FAM161A: variants seen among roughly 807,000 people sequenced by gnomAD.
The protein encoded by FAM161A is FAM161 centrosomal protein A.
FAM161A carries 57 observed loss-of-function variants against 70.9 expected under a neutral mutation model. The ratio of observed to expected loss-of-function variants is 0.80; its 90% CI spans 0.65 to 1.00. The LOEUF is 1.00. Among genes scored for constraint, FAM161A ranks in the 50% least tolerant of loss-of-function variants. The pLI is 0.00. For missense variants in FAM161A, 880 were observed against 836.0 expected (o/e 1.05, Z -0.65); for synonymous variants, 299 against 295.7 (o/e 1.01, Z -0.12).
At chr2:61,839,313 C>G in intron 3 of FAM161A, 108 bp downstream of exon 3, 1 of 919,774 alleles carries the variant, frequency 1.1e-6, no homozygotes, top group African/African-American at 1.6e-5. Flanking sequence ...CTTATAGATA[C>G]AATAATAATT....
intron 1 of FAM161A, among the ~76,000 whole-genome samples, chr2:61,849,815 G>C (rs1238629564): frequency 3.3e-5 from 5 of 149,342 alleles, no homozygotes; most frequent in Non-Finnish European, 7.4e-5. Flanking sequence ...ATGAAATCAT[G>C]TCCTTCACAG....
chr2:61,839,593 T>A lies in FAM161A; in HGVS notation c.1411A>T (p.Lys471Ter). The A allele has an allele frequency of 6.2e-7, 1 of 1,614,244 alleles. No homozygotes were observed. The change falls in exon 3 of 7, where the codon AAA becomes TAA. Residue 471 changes from lysine to a stop codon, truncating the protein, a stop_gained. Transcript: ENST00000404929. LOFTEE classifies it high-confidence loss of function. ...TCTGCTTCGATGTCTGCCAAAATTTTTTCTCTTTTAATAGATGCATGTGGA... is the reference window on the plus strand; with the variant it reads ...TCTGCTTCGATGTCTGCCAAAATTTATTCTCTTTTAATAGATGCATGTGGA... ...ASPHASIKRE[K>*]ILADIEADEE...
At chr2:61,839,372 A>C in intron 3 of FAM161A, 49 bp downstream of exon 3, 1 of 1,561,880 alleles carries the variant, frequency 6.4e-7, no homozygotes, top group South Asian at 1.1e-5. Context: ...AGCTGCATAC[A>C]CTCATCTGGC....
the FAM161A span, among the ~76,000 whole-genome samples, chr2:61,816,145 T>G: frequency 6.6e-6 from 1 of 152,178 alleles, no homozygotes; most frequent in African/African-American, 2.4e-5. Flanking sequence ...TCCATTGACG[T>G]TGGCTTTCTC....
At chr2:61,828,878 C>T (rs1351308631) in intron 5 of FAM161A, among the ~76,000 whole-genome samples, 1 of 152,170 alleles carries the variant, frequency 6.6e-6, no homozygotes, top group East Asian at 1.9e-4. Context: ...TATGGAGCCA[C>T]ATAGTGACTG....
chr2:61,808,054 T>C, the FAM161A span, among the ~76,000 whole-genome samples: 1 of 152,006 alleles, frequency 6.6e-6, no homozygotes, highest in South Asian at 2.1e-4. Context: ...GAGACCAGGA[T>C]TGGGTACAAG....
chr2:61,823,458 G>A (rs1282020551), downstream of FAM161A, among the ~76,000 whole-genome samples: 1 of 150,732 alleles, frequency 6.6e-6, no homozygotes, highest in Non-Finnish European at 1.5e-5. Context: ...TCAACCACCT[G>A]GGCTGAACCA....
rs1202283165 is a variant in FAM161A at position 61,842,229 on chromosome 2, G to A, written c.315C>T (p.Ala105=). 6.2e-7 allele frequency: 1 copy of A among 1,613,262 alleles called. No individual in the cohort carries two copies. The highest frequency in any genetic ancestry group is 8.5e-7 in the Non-Finnish European group (1 of 1,179,298). ...YFKKVEELKA[A]HIETMAKLEK... is the part of the protein sequence containing the mutation. Reference sequence around the variant, plus strand: ...CTAATTTTGCCATAGTTTCTATGTGGGCAGCCTTCAACTCTTCTACTTTCT... The same window carrying A: ...CTAATTTTGCCATAGTTTCTATGTGAGCAGCCTTCAACTCTTCTACTTTCT... Residue 105 remains alanine (A), a synonymous_variant, in exon 2 of 7, where the codon GCC becomes GCT. Transcript: ENST00000404929.
chr2:61,842,053 CTT>C (rs1673036154), intron 2 of FAM161A, 67 bp downstream of exon 2: 1 of 1,001,654 alleles, frequency 1.0e-6, no homozygotes, highest in Non-Finnish European at 1.6e-6. Context: ...TATGAAGTAA[CTT>C]TGTTCTGTCC....
At chr2:61,804,810 G>GAAAGAAAGAAAGAA in the FAM161A span, among the ~76,000 whole-genome samples, 5 of 141,862 alleles carry the variant, frequency 3.5e-5, no homozygotes, top group African/African-American at 1.0e-4. Context: ...AAGAAAGAAA[G>GAAAGAAAGAAAGAA]AAAGAAAGAG....
chr2:61,817,978 A>G, the FAM161A span, among the ~76,000 whole-genome samples: 1 of 152,012 alleles, frequency 6.6e-6, no homozygotes, highest in Non-Finnish European at 1.5e-5. Context: ...CAAAACCAAA[A>G]CCAAACCAAA....
chr2:61,801,750 G>A, the FAM161A span, among the ~76,000 whole-genome samples: 7 of 151,754 alleles, frequency 4.6e-5, 1 homozygote, highest in African/African-American at 1.7e-4. Flanking sequence ...TAGTAGAGGT[G>A]GGGTTTCACC....
the FAM161A span, among the ~76,000 whole-genome samples, chr2:61,816,143 C>T: frequency 5.1e-4 from 78 of 152,242 alleles, no homozygotes; most frequent in African/African-American, 1.7e-3. Context: ...CCTCCATTGA[C>T]GTTGGCTTTC....
At chr2:61,842,427 C>A in intron 1 of FAM161A, 67 bp from the exon 2 acceptor site, 1 of 961,688 alleles carries the variant, frequency 1.0e-6, no homozygotes, top group East Asian at 2.6e-5. Context: ...TGACACTGAT[C>A]CAAAATGCTG....
At chr2:61,848,986 T>TTA (rs1234857002) in intron 1 of FAM161A, among the ~76,000 whole-genome samples, 1 of 2,430 alleles carries the variant, frequency 4.1e-4, no homozygotes, top group Non-Finnish European at 6.4e-4. Context: ...ATTTATATAT[T>TTA]TATATATATT....
downstream of FAM161A, among the ~76,000 whole-genome samples, chr2:61,824,337 C>T (rs1672278609): frequency 1.3e-5 from 2 of 151,904 alleles, no homozygotes; most frequent in African/African-American, 4.8e-5. Context: ...TTGAAACTGT[C>T]AGTGTCTCTC....
chr2:61,847,261 C>T (rs1673256030), intron 1 of FAM161A, among the ~76,000 whole-genome samples: 3 of 152,126 alleles, frequency 2.0e-5, no homozygotes, highest in South Asian at 4.1e-4. Context: ...CCACATGACC[C>T]ACTTGCTCAC....
chr2:61,800,463 G>A, the FAM161A span, among the ~76,000 whole-genome samples: 1 of 152,172 alleles, frequency 6.6e-6, no homozygotes, highest in Non-Finnish European at 1.5e-5. Flanking sequence ...CGGTACCGTC[G>A]TTAGATTGTT....
At chr2:61,838,892 AT>A (rs746321568) in intron 3 of FAM161A, among the ~76,000 whole-genome samples, 187 bp from the exon 4 acceptor site, 10 of 130,278 alleles carry the variant, frequency 7.7e-5, no homozygotes, top group African/African-American at 2.7e-4. Flanking sequence ...TTATTTATTT[AT>A]TTTTTTTGAG....
Sources: gnomAD v4.1 joint callset for allele counts (sites outside exome capture counted in the v4.1 genomes callset) on GRCh38, gnomAD v4.1.1 for gene constraint, MANE v1.5 for transcripts, NCBI Gene and HGNC (gene_info 2026-07-23, HGNC 2026-07-21) for gene names.